The following TRAM2 variants were observed in gnomAD, a reference collection of about 807,000 sequenced individuals.
TRAM2 encodes the protein translocating chain-associated membrane protein 2.
TRAM2 carries 12 observed loss-of-function variants against 51.0 expected under a neutral mutation model. The observed-to-expected ratio is 0.24, with a 90% CI of 0.15 to 0.38. The LOEUF (loss-of-function observed/expected upper bound fraction) is 0.38, where lower values mean the gene tolerates loss of function less well. TRAM2 is among the 10% of genes least tolerant of loss of function. The probability of loss-of-function intolerance (pLI) is 1.00; values close to 1 mark genes in which losing one functional copy is unlikely to be tolerated. For synonymous variants in TRAM2, 175 were observed against 179.4 expected (o/e 0.98, Z 0.20); for missense variants, 361 against 462.0 (o/e 0.78, Z 2.00).
chr6:52,526,152 GACAC>G (rs775593303), intron 2 of TRAM2, among the ~76,000 whole-genome samples: 1,245 of 28,734 alleles, frequency 0.043, 7 homozygotes, highest in East Asian at 0.2. Flanking sequence ...CACACAGACA[GACAC>G]ACACACACAC....
intron 2 of TRAM2, among the ~76,000 whole-genome samples, chr6:52,532,300 G>C (rs1766906249): frequency 6.6e-6 from 1 of 152,138 alleles, no homozygotes; most frequent in South Asian, 2.1e-4. Context: ...TGGTAAATTA[G>C]TAAGACAGCT....
At chr6:52,566,056 A>G (rs1767585576) in intron 1 of TRAM2, among the ~76,000 whole-genome samples, 1 of 152,254 alleles carries the variant, frequency 6.6e-6, no homozygotes, top group African/African-American at 2.4e-5. Flanking sequence ...ATTAGAAGTT[A>G]CATGAGATGC....
intron 1 of TRAM2, 64 bp downstream of exon 1, chr6:52,576,732 G>C (rs1581707814): frequency 6.3e-7 from 1 of 1,577,548 alleles, no homozygotes; most frequent in Admixed American, 1.8e-5. Context: ...ACCTGCAGGG[G>C]TGTGCCGGGC....
chr6:52,535,899 A>T (rs2114086438), intron 1 of TRAM2, 53 bp from the exon 2 acceptor site: 1 of 1,520,348 alleles, frequency 6.6e-7, no homozygotes, highest in Middle Eastern at 1.7e-4. Flanking sequence ...CATCAAAAGA[A>T]ACAAGTGGAA....
intron 2 of TRAM2, among the ~76,000 whole-genome samples, chr6:52,521,208 C>A (rs1396969651): frequency 6.6e-6 from 1 of 151,896 alleles, no homozygotes; most frequent in African/African-American, 2.4e-5. Context: ...CTGCACCCAG[C>A]CCTATCTTCC....
In TRAM2 at chr6:52,502,319, G is replaced by A. The variant is rs2073184; in HGVS notation, c.*878C>T. 51,503 of 152,256 alleles carry A rather than the reference G, an allele frequency of 0.34. 8,817 individuals are homozygous for A. The highest frequency in any genetic ancestry group is 0.51 in the East Asian group (2,642 of 5,170). The allele number at this position is 152,256 out of a possible 1,614,324, so 9.4% of individuals were successfully genotyped here. On this transcript the variant is annotated 3_prime_UTR_variant, in exon 11 of 11. Transcript: ENST00000182527. ...TGTGAATGGCTGAAAAAGCAATGGC[G>A]ACTGGGACTGCTGGAGAAAGGCCTA... is the stretch of plus-strand genomic sequence containing the variant.
rs917481116 is a variant in TRAM2 at position 52,576,908 on chromosome 6, A to C, written c.8T>G (p.Phe3Cys). Residue 3 changes from phenylalanine (F) to cysteine (C), a missense_variant, in exon 1 of 11, where the codon TTC (phenylalanine) becomes TGC (cysteine). Coordinates refer to ENST00000182527, the MANE Select transcript of TRAM2 (RefSeq NM_012288.4). MA[F>C]RRRTKSYPLF... ...CGGGTAACTTTTCGTCCTCCTGCGG[A>C]AAGCCATGGCAGCGGGCGCGCAGCG... 5.0e-6 allele frequency: 8 copies of C among 1,612,346 alleles called. No individual in the cohort carries two copies. In the African/African-American group the frequency reaches 1.1e-4, roughly 22 times the overall value.
At chr6:52,568,164 C>T (rs1485127921) in intron 1 of TRAM2, among the ~76,000 whole-genome samples, 2 of 152,200 alleles carry the variant, frequency 1.3e-5, no homozygotes, top group Non-Finnish European at 2.9e-5. Flanking sequence ...TTTCACTGCA[C>T]GCTTCCCTGC....
intron 1 of TRAM2, among the ~76,000 whole-genome samples, chr6:52,537,743 C>T (rs1767001332): frequency 6.6e-6 from 1 of 151,964 alleles, no homozygotes; most frequent in South Asian, 2.1e-4. Context: ...CCCATTTATC[C>T]TCGCAGCCCC....
chr6:52,502,079 C>T lies in TRAM2; in HGVS notation c.*1118G>A, dbSNP rs1486180838. 1 of 152,308 alleles carries T rather than the reference C, an allele frequency of 6.6e-6. No homozygotes were observed. The highest frequency in any genetic ancestry group is 1.5e-5 in the Non-Finnish European group (1 of 68,118). The allele number at this position is 152,308 out of a possible 1,614,324, so 9.4% of individuals were successfully genotyped here. A position where few individuals can be genotyped will look rare whatever the true frequency, so the allele number is the denominator to read the frequency against. On this transcript the variant is annotated 3_prime_UTR_variant, in exon 11 of 11. Coordinates refer to ENST00000182527, the MANE Select transcript of TRAM2 (RefSeq NM_012288.4). ...AACGACAATTCCAAAGAACACTCAA[C>T]AAGGGCGGCCAGATGAACAGCGGTC...
intron 1 of TRAM2, among the ~76,000 whole-genome samples, chr6:52,547,096 C>T (rs773908289): frequency 2.6e-5 from 4 of 152,010 alleles, no homozygotes; most frequent in Admixed American, 6.6e-5. Context: ...GTGGACTGCT[C>T]GGTCTAGCAG....
intron 1 of TRAM2, among the ~76,000 whole-genome samples, chr6:52,569,948 G>T (rs146051207): frequency 1.3e-5 from 2 of 152,290 alleles, no homozygotes; most frequent in East Asian, 1.9e-4. Flanking sequence ...GACCACCAGA[G>T]ATGAGTCAGA....
At chr6:52,516,405 A>G (rs1377209377) in intron 3 of TRAM2, 2 of 596,966 alleles carry the variant, frequency 3.4e-6, no homozygotes, top group Non-Finnish European at 5.9e-6. Context: ...ATCTCCAGAC[A>G]GCTTTCTCTC....
Position 52,502,764 on chromosome 6 carries a change from C to T in TRAM2, c.*433G>A, listed in dbSNP as rs1233068001. On this transcript the variant is annotated 3_prime_UTR_variant, in exon 11 of 11. Transcript: ENST00000182527. The stretch of plus-strand genomic sequence containing the variant: ...TTCTGACCGGCAGGCCCTGGGGGAC[C>T]GAAGGACAGGACTGCAATCTTAGCT... 2.8e-5 allele frequency: 5 copies of T among 178,026 alleles called. No homozygotes were observed. The highest frequency in any genetic ancestry group is 1.7e-4 in the East Asian group (1 of 6,042). 11.0% of individuals were successfully genotyped at this position (178,026 alleles called of 1,614,324 possible). A position where few individuals can be genotyped will look rare whatever the true frequency, so the allele number is the denominator to read the frequency against.
intron 1 of TRAM2, among the ~76,000 whole-genome samples, chr6:52,537,729 C>T (rs1375642105): frequency 1.2e-4 from 3 of 25,874 alleles, no homozygotes; most frequent in African/African-American, 7.2e-4. Flanking sequence ...TGTGCCGTCC[C>T]GTTCCCATTT....
intron 1 of TRAM2, among the ~76,000 whole-genome samples, chr6:52,573,692 T>G (rs1371038115): frequency 6.6e-6 from 1 of 152,128 alleles, no homozygotes; most frequent in African/African-American, 2.4e-5. Context: ...AGGGAAAGAA[T>G]TTAGAGTCAT....
intron 2 of TRAM2, among the ~76,000 whole-genome samples, chr6:52,526,589 A>G (rs765073094): frequency 2.1e-4 from 32 of 152,204 alleles, no homozygotes; most frequent in Non-Finnish European, 3.8e-4. Flanking sequence ...GGGTTTCACC[A>G]TGTTGGCCAG....
intron 2 of TRAM2, among the ~76,000 whole-genome samples, chr6:52,521,429 C>A (rs1444537916): frequency 6.6e-6 from 1 of 151,624 alleles, no homozygotes; most frequent in Non-Finnish European, 1.5e-5. Context: ...CGCGGTGGCT[C>A]ACACCTGTAA....
intron 1 of TRAM2, among the ~76,000 whole-genome samples, chr6:52,549,238 C>T (rs1438612691): frequency 7.2e-6 from 1 of 138,982 alleles, no homozygotes; most frequent in Non-Finnish European, 1.6e-5. Context: ...CCTTCCCTTC[C>T]TTCCCTCCTT....
Sources: gnomAD v4.1 joint callset for allele counts (sites outside exome capture counted in the v4.1 genomes callset) on GRCh38, gnomAD v4.1.1 for gene constraint, MANE v1.5 for transcripts, NCBI Gene and HGNC (gene_info 2026-07-23, HGNC 2026-07-21) for gene names.